NDST1: variants seen among roughly 807,000 people sequenced by gnomAD.
The protein encoded by NDST1 is bifunctional heparan sulfate N-deacetylase/N-sulfotransferase 1.
Under a neutral mutation model 92.8 loss-of-function variants are expected in NDST1, and 35 were observed. The ratio of observed to expected loss-of-function variants is 0.38; its 90% CI spans 0.29 to 0.50. NDST1 has a LOEUF of 0.50. Among genes scored for constraint, NDST1 ranks in the 20% least tolerant of loss-of-function variants. The pLI is 0.94. For synonymous variants in NDST1, 493 were observed against 500.3 expected (o/e 0.99, Z 0.19); for missense variants, 822 against 1,182.7 (o/e 0.69, Z 4.47).
chr5:150,534,951 T>C lies in NDST1; in HGVS notation c.1181T>C (p.Met394Thr). 3 of 1,614,276 alleles carry C rather than the reference T, an allele frequency of 1.9e-6. No homozygotes were observed. The highest frequency in any genetic ancestry group is 2.5e-6 in the Non-Finnish European group (3 of 1,180,050). Residue 394 changes from methionine (M) to threonine (T), a missense_variant, in exon 5 of 15, where the codon ATG becomes ACG. By Grantham distance (81) the Met-to-Thr change is moderately conservative. Coordinates refer to ENST00000261797, the MANE Select transcript of NDST1 (RefSeq NM_001543.5). ...TGGTTCCCCCACATGTGGAGCCACA[T>C]GCAGCCCCACCTTTTCCACAACCAG... is the stretch of plus-strand genomic sequence containing the variant. ...FWWFPHMWSH[M>T]QPHLFHNQSV...
intron 1 of NDST1, among the ~76,000 whole-genome samples, chr5:150,502,612 A>G (rs1753285255): frequency 6.6e-6 from 1 of 152,126 alleles, no homozygotes; most frequent in African/African-American, 2.4e-5. Context: ...CCCCAATGCT[A>G]GGAGTCTGTT....
At chr5:150,529,044 G>C (rs1295408333) in intron 3 of NDST1, among the ~76,000 whole-genome samples, 1 of 152,060 alleles carries the variant, frequency 6.6e-6, no homozygotes, top group African/African-American at 2.4e-5. Context: ...TCATGCATGA[G>C]GCAGATTTTA....
intron 5 of NDST1, chr5:150,535,484 T>G: frequency 1.2e-6 from 1 of 824,756 alleles, no homozygotes; most frequent in Non-Finnish European, 1.5e-6. Flanking sequence ...TCAGGAGACC[T>G]GGGTTCTAAT....
chr5:150,537,002 G>C (rs950569476), intron 6 of NDST1, among the ~76,000 whole-genome samples: 1 of 152,218 alleles, frequency 6.6e-6, no homozygotes, highest in African/African-American at 2.4e-5. Flanking sequence ...GGGAAGTCAG[G>C]GACCCCGAAC....
intron 1 of NDST1, among the ~76,000 whole-genome samples, chr5:150,502,466 A>C (rs1437479383): frequency 5.9e-5 from 9 of 152,036 alleles, no homozygotes; most frequent in African/African-American, 2.2e-4. Context: ...CAGGTTTGGG[A>C]AGAGCAATTA....
chr5:150,531,798 G>A lies in NDST1; in HGVS notation c.1009-1147G>A, dbSNP rs183319354. On this transcript the variant is annotated intron_variant, in intron 3 of 14. Transcript: ENST00000261797. Reference sequence around the variant, plus strand: ...ACAGGCATGAGCCACTGCACCTGGCGGCTCTTACAGGTTTCTGAGCTGCTT... The same window carrying A: ...ACAGGCATGAGCCACTGCACCTGGCAGCTCTTACAGGTTTCTGAGCTGCTT... Among the ~76,000 whole-genome samples, 22 of 151,192 alleles carry A rather than the reference G, an allele frequency of 1.5e-4. No homozygotes were observed. In the East Asian group the frequency reaches 2.3e-3, roughly 16 times the overall value.
chr5:150,515,903 G>T (rs1269738391), intron 1 of NDST1, among the ~76,000 whole-genome samples: 3 of 152,148 alleles, frequency 2.0e-5, no homozygotes, highest in Non-Finnish European at 4.4e-5. Context: ...TGTGCTGGAA[G>T]CCCCCTTTGC....
At chr5:150,534,703 G>A (rs1420235217) in intron 4 of NDST1, among the ~76,000 whole-genome samples, 164 bp from the exon 5 acceptor site, 1 of 152,200 alleles carries the variant, frequency 6.6e-6, no homozygotes, top group Non-Finnish European at 1.5e-5. Flanking sequence ...TAGAATTCAG[G>A]GCTCTGGGCT....
chr5:150,515,205 A>G (rs543260946), intron 1 of NDST1, among the ~76,000 whole-genome samples: 2 of 152,372 alleles, frequency 1.3e-5, no homozygotes, highest in East Asian at 3.9e-4. Context: ...TGCAGGATAC[A>G]CAGCCCATTT....
At chr5:150,518,540 G>A (rs1386307684) in intron 1 of NDST1, among the ~76,000 whole-genome samples, 1 of 152,080 alleles carries the variant, frequency 6.6e-6, no homozygotes, top group Non-Finnish European at 1.5e-5. Context: ...CAAACAAAAA[G>A]CGGAAATAAA....
chr5:150,518,131 C>T lies in NDST1; in HGVS notation c.-387-2737C>T, dbSNP rs1022630194. On this transcript the variant is annotated intron_variant, in intron 1 of 14. Coordinates refer to ENST00000261797, the MANE Select transcript of NDST1 (RefSeq NM_001543.5). Reference sequence around the variant, plus strand: ...GAGTCCCTGGAAAGTGCCACACATGCTCTTATCTCCAAGCTGTGGTATGTG... The same window carrying T: ...GAGTCCCTGGAAAGTGCCACACATGTTCTTATCTCCAAGCTGTGGTATGTG... Among the ~76,000 whole-genome samples, 5 of 152,300 alleles carry T rather than the reference C, an allele frequency of 3.3e-5. No individual in the cohort carries two copies. The South Asian group carries it at 8.3e-4, about 25-fold the overall frequency.
chr5:150,541,808 C>T, intron 9 of NDST1, 142 bp downstream of exon 9: 1 of 775,886 alleles, frequency 1.3e-6, no homozygotes, highest in Admixed American at 2.0e-5. Context: ...TTGGGGTGAA[C>T]ACAAATTGCC....
Position 150,551,741 on chromosome 5 carries a change from C to G in NDST1, c.2427-12C>G. 1 of 1,611,812 alleles carries G rather than the reference C, an allele frequency of 6.2e-7. No homozygotes were observed. The highest frequency in any genetic ancestry group is 1.3e-5 in the African/African-American group (1 of 74,978). The stretch of plus-strand genomic sequence containing the variant: ...AGCCAGCTCCCATCCAAAGACTTTC[C>G]CACCTCCACAGGTTTGATCCAAAGA... On this transcript the variant is annotated splice_polypyrimidine_tract_variant and intron_variant, in intron 13 of 14. Coordinates refer to ENST00000261797, the MANE Select transcript of NDST1 (RefSeq NM_001543.5).
At position 150,554,533 on chromosome 5, in the gene NDST1, G is replaced by A. The variant is rs1447954128; in HGVS notation, c.*1201G>A. The stretch of plus-strand genomic sequence containing the variant: ...TGGGGCTGAGCAGACCTTAGGAAGG[G>A]GCCCTCCCCAGTGCCGTGGCTGCTC... On this transcript the variant is annotated 3_prime_UTR_variant, in exon 15 of 15. Coordinates refer to ENST00000261797, the MANE Select transcript of NDST1 (RefSeq NM_001543.5). 6.6e-6 allele frequency: 1 copy of A among 152,496 alleles called. No homozygotes were observed. Among genetic ancestry groups the A allele is most frequent in the Admixed American group, 6.5e-5 (1 of 15,268 alleles). The allele number at this position is 152,496 out of a possible 1,614,324, so 9.4% of individuals were successfully genotyped here.
At chr5:150,509,518 C>T (rs951903117) in intron 1 of NDST1, among the ~76,000 whole-genome samples, 14 of 152,020 alleles carry the variant, frequency 9.2e-5, no homozygotes, top group Non-Finnish European at 4.4e-5. Flanking sequence ...AGGAGGTGGC[C>T]CCCCTTTCTT....
At chr5:150,537,362 G>A (rs574172747) in intron 6 of NDST1, among the ~76,000 whole-genome samples, 3 of 152,332 alleles carry the variant, frequency 2.0e-5, no homozygotes, top group East Asian at 3.9e-4. Context: ...GAGAAATATC[G>A]CTGAATTCTT....
intron 1 of NDST1, among the ~76,000 whole-genome samples, chr5:150,499,725 A>G (rs1175026830): frequency 3.3e-5 from 5 of 152,064 alleles, no homozygotes. Context: ...GTAGCCACTG[A>G]CCCAGGCGGC....
chr5:150,543,068 T>A (rs1344862675), intron 10 of NDST1, 97 bp downstream of exon 10: 1 of 1,498,980 alleles, frequency 6.7e-7, no homozygotes, highest in African/African-American at 1.4e-5. Flanking sequence ...TGGAGCTTGC[T>A]CACACACAGC....
intron 4 of NDST1, among the ~76,000 whole-genome samples, chr5:150,534,118 A>G (rs903112806): frequency 6.7e-6 from 1 of 148,212 alleles, no homozygotes; most frequent in Non-Finnish European, 1.5e-5. Context: ...ATTTTTAGAG[A>G]CGGGACCTCT....
Sources: gnomAD v4.1 joint callset for allele counts (sites outside exome capture counted in the v4.1 genomes callset) on GRCh38, gnomAD v4.1.1 for gene constraint, MANE v1.5 for transcripts, NCBI Gene and HGNC (gene_info 2026-07-23, HGNC 2026-07-21) for gene names.